RASGRF2: variants seen among roughly 807,000 people sequenced by gnomAD.
RASGRF2 encodes Ras protein specific guanine nucleotide releasing factor 2.
In RASGRF2, 76 loss-of-function variants were observed where a neutral mutation model predicts 151.0. The observed-to-expected ratio is 0.50, with a 90% CI of 0.42 to 0.61. The LOEUF is 0.61. Among genes scored for constraint, RASGRF2 ranks in the 20% least tolerant of loss-of-function variants. The pLI, the probability that RASGRF2 is intolerant of heterozygous loss-of-function variation, is 0.00. For missense variants in RASGRF2, 1,148 were observed against 1,564.6 expected (o/e 0.73, Z 4.49); for synonymous variants, 504 against 566.5 (o/e 0.89, Z 1.57).
chr5:81,111,255 G>T (rs928628233), intron 13 of RASGRF2, among the ~76,000 whole-genome samples: 11 of 152,126 alleles, frequency 7.2e-5, no homozygotes, highest in Non-Finnish European at 1.5e-4. Context: ...GGACTTCATT[G>T]ATCGCCGGTC....
intron 25 of RASGRF2, among the ~76,000 whole-genome samples, chr5:81,218,929 G>T (rs1755801571): frequency 6.6e-6 from 1 of 152,108 alleles, no homozygotes; most frequent in African/African-American, 2.4e-5. Flanking sequence ...CGATTCCTTG[G>T]TTAGGTATAT....
intron 18 of RASGRF2, chr5:81,183,168 G>A (rs1754955580): frequency 2.0e-6 from 2 of 982,288 alleles, no homozygotes; most frequent in South Asian, 4.7e-5. Context: ...TTCTCACATG[G>A]TGAACTACCC....
chr5:80,970,416 A>G (rs1300979743), intron 1 of RASGRF2, among the ~76,000 whole-genome samples: 1 of 152,196 alleles, frequency 6.6e-6, no homozygotes, highest in Non-Finnish European at 1.5e-5. Context: ...CAGTGGGAAT[A>G]TTACAAGACA....
chr5:81,111,168 T>G (rs936162988), intron 13 of RASGRF2, among the ~76,000 whole-genome samples: 1 of 152,324 alleles, frequency 6.6e-6, no homozygotes, highest in Middle Eastern at 3.4e-3. Context: ...GCCAACAGAT[T>G]CTTAGCAAGC....
intron 1 of RASGRF2, among the ~76,000 whole-genome samples, chr5:80,983,971 C>T (rs1302435905): frequency 6.6e-6 from 1 of 152,206 alleles, no homozygotes; most frequent in African/African-American, 2.4e-5. Context: ...TTGTCCAGTG[C>T]TGATCTATAA....
intron 17 of RASGRF2, among the ~76,000 whole-genome samples, chr5:81,156,906 A>G (rs1323971960): frequency 6.6e-6 from 1 of 152,216 alleles, no homozygotes; most frequent in Admixed American, 6.5e-5. Flanking sequence ...GACATGAAGC[A>G]GTTTGTAGAA....
chr5:81,114,536 T>C (rs1414886211), intron 15 of RASGRF2, among the ~76,000 whole-genome samples: 1 of 152,230 alleles, frequency 6.6e-6, no homozygotes, highest in East Asian at 1.9e-4. Flanking sequence ...ATAGGGTTTC[T>C]GGCTTCAATT....
intron 1 of RASGRF2, among the ~76,000 whole-genome samples, chr5:80,969,355 C>G (rs571139242): frequency 6.6e-6 from 1 of 150,748 alleles, no homozygotes; most frequent in Non-Finnish European, 1.5e-5. Flanking sequence ...AGGCTGGTCT[C>G]GAACTCCTGA....
chr5:81,204,722 T>C (rs1293239288), intron 19 of RASGRF2, among the ~76,000 whole-genome samples: 2 of 152,228 alleles, frequency 1.3e-5, no homozygotes, highest in Non-Finnish European at 2.9e-5. Flanking sequence ...ATTAACTTCT[T>C]GGATGTTCAA....
chr5:81,039,339 C>A (rs1396435164), intron 1 of RASGRF2, among the ~76,000 whole-genome samples: 1 of 151,912 alleles, frequency 6.6e-6, no homozygotes, highest in Admixed American at 6.6e-5. Flanking sequence ...ATAGAAGAGA[C>A]ATAATAAGTA....
At chr5:81,218,002 A>G (rs908218669) in intron 25 of RASGRF2, among the ~76,000 whole-genome samples, 1 of 152,142 alleles carries the variant, frequency 6.6e-6, no homozygotes, top group Non-Finnish European at 1.5e-5. Flanking sequence ...TGGGACTCCC[A>G]AAGTGCTAGG....
intron 13 of RASGRF2, among the ~76,000 whole-genome samples, chr5:81,109,713 T>C (rs2112537476): frequency 6.6e-6 from 1 of 152,308 alleles, no homozygotes; most frequent in African/African-American, 2.4e-5. Flanking sequence ...GATCAGTTGT[T>C]GCTGGCACCC....
rs897385238 is a variant in RASGRF2, at chr5:81,086,714, A to C, written c.1272-121A>C. On this transcript the variant is annotated intron_variant, in intron 8 of 26. Transcript: ENST00000265080. ...GGAAAGATCCAGCCTATTTCCCCCA[A>C]ACCCCCGGTTCAATCGATACAAGCT... 4.9e-5 allele frequency: 38 copies of C among 775,996 alleles called. No individual in the cohort carries two copies. In the Admixed American group the frequency reaches 6.0e-4, roughly 12 times the overall value. 48.1% of individuals were successfully genotyped at this position (775,996 alleles called of 1,614,324 possible).
chr5:81,019,649 C>A (rs1749764658), intron 1 of RASGRF2: 1 of 152,256 alleles, frequency 6.6e-6, no homozygotes, highest in South Asian at 2.1e-4. Context: ...ATGTGTGGAG[C>A]AGCATTTTTT....
intron 17 of RASGRF2, among the ~76,000 whole-genome samples, chr5:81,164,089 A>G (rs1259621705): frequency 6.6e-6 from 1 of 152,234 alleles, no homozygotes; most frequent in African/African-American, 2.4e-5. Flanking sequence ...TGGCATAAGT[A>G]AACACTGAGT....
intron 1 of RASGRF2, among the ~76,000 whole-genome samples, chr5:81,021,337 T>G (rs1749818269): frequency 7.0e-6 from 1 of 143,732 alleles, no homozygotes; most frequent in African/African-American, 2.6e-5. Context: ...GATATACAAA[T>G]AAAATATTTT....
At chr5:80,984,768 C>G (rs1580167873) in intron 1 of RASGRF2, among the ~76,000 whole-genome samples, 1 of 152,154 alleles carries the variant, frequency 6.6e-6, no homozygotes, top group Non-Finnish European at 1.5e-5. Context: ...TGAATACAAC[C>G]TCAATGCCCG....
In RASGRF2 at chr5:81,226,676, T is replaced by C. The variant is rs1287694723; in HGVS notation, c.*906T>C. The C allele has an allele frequency of 6.6e-6, 1 of 152,202 alleles. No homozygotes were observed. 9.4% of individuals were successfully genotyped at this position (152,202 alleles called of 1,614,324 possible). ...AAATCATCTCTGCACCTTGCTTTGT[T>C]TGTTTTCTTTCCCCACTCATAGTAC... On this transcript the variant is annotated 3_prime_UTR_variant, in exon 27 of 27. Coordinates refer to ENST00000265080, the MANE Select transcript of RASGRF2 (RefSeq NM_006909.3).
At chr5:81,021,963 A>G (rs1316568173) in intron 1 of RASGRF2, among the ~76,000 whole-genome samples, 5 of 152,188 alleles carry the variant, frequency 3.3e-5, no homozygotes, top group African/African-American at 1.2e-4. Flanking sequence ...TCTTGTGCTG[A>G]GTCAGTTCCT....
Sources: allele counts gnomAD v4.1 joint callset (sites outside exome capture counted in the v4.1 genomes callset), GRCh38; gene constraint gnomAD v4.1.1; transcripts MANE v1.5; gene names NCBI Gene and HGNC (gene_info 2026-07-23, HGNC 2026-07-21).